Variants in PCDHGA2 observed in about 807,000 individuals in gnomAD.
PCDHGA2 encodes the protein protocadherin gamma-A2.
PCDHGA2 carries 40 observed loss-of-function variants against 59.2 expected under a neutral mutation model. The ratio of observed to expected loss-of-function variants is 0.68; its 90% CI spans 0.52 to 0.88. The LOEUF (loss-of-function observed/expected upper bound fraction) is 0.88, where lower values mean the gene tolerates loss of function less well. PCDHGA2 is among the 40% of genes least tolerant of loss of function. The pLI, the probability that PCDHGA2 is intolerant of heterozygous loss-of-function variation, is 0.00. For synonymous variants in PCDHGA2, 560 were observed against 526.0 expected, an observed-to-expected ratio of 1.06 and a Z score of -0.89; for missense variants, 1,226 against 1,204.0, an observed-to-expected ratio of 1.02 and a Z score of -0.27.
Position 141,486,098 on chromosome 5 carries a change from G to A in PCDHGA2, c.2425-8709G>A, listed in dbSNP as rs1211678224. ...AAAGCTTACTCTTTTGGGGCCCCTA[G>A]ACTTTGAGAGTGAGAATTACTATGA... On this transcript the variant is annotated intron_variant, in intron 1 of 3. Transcript: ENST00000394576. This position sits in a 1 kb window ranked among gnomAD's most constrained non-coding sequence, Gnocchi z 5.0. 5.0e-6 allele frequency: 8 copies of A among 1,614,032 alleles called. No homozygotes were observed. Among genetic ancestry groups the A allele is most frequent in the Admixed American group, 3.3e-5 (2 of 59,994 alleles).
At chr5:141,415,462 C>T in intron 1 of PCDHGA2, 1 of 1,614,220 alleles carries the variant, frequency 6.2e-7, no homozygotes. Context: ...CGAGGTCTCT[C>T]TCACCGCGGA....
In PCDHGA2 at chr5:141,374,191, C is replaced by T. The variant is rs780279453; in HGVS notation, c.2424+32796C>T. 3.7e-6 allele frequency: 6 copies of T among 1,613,664 alleles called. No individual in the cohort carries two copies. In the East Asian group the frequency reaches 1.1e-4, roughly 30 times the overall value. Reference sequence around the variant, plus strand: ...CAGCGCAGATCCGCTACTCTATTCCCGAGGAGCTGGAGAAAGGCTCCTTCG... The same window carrying T: ...CAGCGCAGATCCGCTACTCTATTCCTGAGGAGCTGGAGAAAGGCTCCTTCG... On this transcript the variant is annotated intron_variant, in intron 1 of 3. Transcript: ENST00000394576.
chr5:141,453,620 A>G (rs2098770145), intron 1 of PCDHGA2, among the ~76,000 whole-genome samples: 1 of 152,196 alleles, frequency 6.6e-6, no homozygotes. Context: ...CAAAAACAAA[A>G]CCTATACATA....
In PCDHGA2 at chr5:141,489,184, G is replaced by T; in HGVS notation, c.2425-5623G>T. ...TCAGCTGCTGCATTCCAAGCCCTGG[G>T]TCTACCTTGGAGACAGGACAGCACA... On this transcript the variant is annotated intron_variant, in intron 1 of 3. Transcript: ENST00000394576. This position sits in a 1 kb window ranked among gnomAD's most constrained non-coding sequence, Gnocchi z 4.5. 7.8e-7 allele frequency: 1 copy of T among 1,287,330 alleles called. No homozygotes were observed. Among genetic ancestry groups the T allele is most frequent in the Non-Finnish European group, 1.1e-6 (1 of 928,816 alleles). 79.7% of individuals were successfully genotyped at this position (1,287,330 alleles called of 1,614,324 possible).
intron 1 of PCDHGA2, among the ~76,000 whole-genome samples, chr5:141,481,400 T>C (rs2154578591): frequency 6.6e-6 from 1 of 152,358 alleles, no homozygotes; most frequent in East Asian, 1.9e-4. Context: ...GTGACAAAAT[T>C]CTTGTATAAT....
intron 1 of PCDHGA2, chr5:141,426,995 C>A (rs772977735): frequency 2.2e-6 from 1 of 456,694 alleles, no homozygotes; most frequent in South Asian, 1.5e-5. Context: ...ACGATAATGC[C>A]CCAGTTTTTA....
At chr5:141,430,782 G>A (rs1220976669) in intron 1 of PCDHGA2, 2 of 1,510,858 alleles carry the variant, frequency 1.3e-6, no homozygotes, top group Non-Finnish European at 1.8e-6. Flanking sequence ...CGACTGCACC[G>A]GGACTACAAA....
In PCDHGA2 at chr5:141,360,561, T is replaced by C. The variant is rs1479698668; in HGVS notation, c.2424+19166T>C. 4 of 1,613,992 alleles carry C rather than the reference T, an allele frequency of 2.5e-6. No homozygotes were observed. The African/African-American group carries it at 5.3e-5, about 21-fold the overall frequency. ...AACAGACTAAGATTAATTTAAAAAT[T>C]GGCGAATCCACTAAGCCAGGTACAA... On this transcript the variant is annotated intron_variant, in intron 1 of 3. Transcript: ENST00000394576.
intron 1 of PCDHGA2, chr5:141,374,105 C>T: frequency 6.4e-7 from 1 of 1,572,258 alleles, no homozygotes; most frequent in Non-Finnish European, 8.6e-7. Flanking sequence ...GCAGAGGCAT[C>T]CGCAGCGCAG....
chr5:141,404,890 A>G (rs745830169), intron 1 of PCDHGA2: 1 of 1,613,870 alleles, frequency 6.2e-7, no homozygotes, highest in Middle Eastern at 1.6e-4. Context: ...TGGTGGCTGT[A>G]CAGGACCATG....
chr5:141,490,419 G>C lies in PCDHGA2; in HGVS notation c.2425-4388G>C. The C allele has an allele frequency of 6.2e-7, 1 of 1,614,170 alleles. No homozygotes were observed. Among genetic ancestry groups the C allele is most frequent in the Non-Finnish European group, 8.5e-7 (1 of 1,180,020 alleles). ...TGAGCCTTGATATCTCTCCGGACCT[G>C]CCATTTCAGATTAAGCCTTCTGAGA... On this transcript the variant is annotated intron_variant, in intron 1 of 3. Transcript: ENST00000394576. The surrounding 1 kb of genome is among the most constrained non-coding windows in gnomAD (Gnocchi z 5.4).
intron 1 of PCDHGA2, among the ~76,000 whole-genome samples, chr5:141,458,988 C>G (rs996478276): frequency 6.6e-6 from 1 of 152,208 alleles, no homozygotes; most frequent in African/African-American, 2.4e-5. Flanking sequence ...CTGCCTCACC[C>G]TCCCAAAGTG....
intron 1 of PCDHGA2, among the ~76,000 whole-genome samples, chr5:141,396,910 A>G (rs1335319555): frequency 1.3e-5 from 2 of 152,208 alleles, no homozygotes; most frequent in Non-Finnish European, 2.9e-5. Flanking sequence ...GCACTTTGCA[A>G]TTTTAAAAAC....
At chr5:141,385,488 T>C in intron 1 of PCDHGA2, 1 of 1,400,248 alleles carries the variant, frequency 7.1e-7, no homozygotes, top group Non-Finnish European at 9.3e-7. Context: ...ATAGAACACA[T>C]AGGATATAGT....
intron 1 of PCDHGA2, among the ~76,000 whole-genome samples, chr5:141,405,652 G>GT (rs1479754913): frequency 6.6e-6 from 1 of 152,034 alleles, no homozygotes; most frequent in Non-Finnish European, 1.5e-5. Flanking sequence ...TTTTTTGTGT[G>GT]TTTTTAGTAG....
rs143509166 is a variant in PCDHGA2 at position 141,395,182 on chromosome 5, C to T, written c.2424+53787C>T. On this transcript the variant is annotated intron_variant, in intron 1 of 3. Transcript: ENST00000394576. ...CAGGAGGGCTGTGAGAAAAATGATT[C>T]TTTGTTAACATCCGTAGATTTTCAT... 141 of 1,614,114 alleles carry T rather than the reference C, an allele frequency of 8.7e-5. 2 individuals are homozygous for T. The Middle Eastern group carries it at 1.8e-3, about 21-fold the overall frequency.
chr5:141,395,542 T>TTGTTTGTGTGTGTG (rs1267535064), intron 1 of PCDHGA2: 1 of 168,708 alleles, frequency 5.9e-6, no homozygotes, highest in African/African-American at 5.7e-5. Flanking sequence ...TTGCTATTGT[T>TTGTTTGTGTGTGTG]TGTGTGTGTG....
intron 1 of PCDHGA2, chr5:141,396,416 C>T (rs1336875388): frequency 6.6e-6 from 1 of 152,140 alleles, no homozygotes; most frequent in Non-Finnish European, 1.5e-5. Flanking sequence ...GTCAGGAGTT[C>T]AAGATCAGCC....
intron 1 of PCDHGA2, among the ~76,000 whole-genome samples, chr5:141,386,802 A>T (rs1262742441): frequency 6.6e-6 from 1 of 152,248 alleles, no homozygotes; most frequent in East Asian, 1.9e-4. Context: ...AAAATTTATT[A>T]GATGCATAAA....
Sources: allele counts gnomAD v4.1 joint callset (sites outside exome capture counted in the v4.1 genomes callset), GRCh38; gene constraint gnomAD v4.1.1; non-coding constraint Gnocchi (gnomAD v3.1); transcripts MANE v1.5; gene names NCBI Gene and HGNC (gene_info 2026-07-23, HGNC 2026-07-21).